Variants in CDHR1 observed in about 807,000 individuals in gnomAD.
CDHR1 encodes the protein cadherin related family member 1.
In CDHR1, 61 loss-of-function variants were observed where a neutral mutation model predicts 72.1. The observed-to-expected ratio is 0.85, with a 90% confidence interval of 0.69 to 1.05. CDHR1 has a LOEUF of 1.05. Ranked by LOEUF, CDHR1 falls within the 50% of genes least tolerant of loss-of-function variation. CDHR1 has a pLI of 0.00. For synonymous variants in CDHR1, 470 were observed against 448.1 expected, an observed-to-expected ratio of 1.05 and a Z score of -0.62; for missense variants, 1,186 against 1,115.7, an observed-to-expected ratio of 1.06 and a Z score of -0.90.
chr10:84,195,685 G>C lies in CDHR1; in HGVS notation c.151+96G>C, dbSNP rs999558480. On this transcript the variant is annotated intron_variant, in intron 2 of 16. Transcript: ENST00000623527. ...CCCCAGGCACCACCCAAGTTGCTGC[G>C]CGCGCCCGGGGGCTCCTTGTTTGCT... 5 of 1,009,126 alleles carry C rather than the reference G, an allele frequency of 5.0e-6. No homozygotes were observed. In the Admixed American group the frequency reaches 9.8e-5, roughly 20 times the overall value. 62.5% of individuals were successfully genotyped at this position (1,009,126 alleles called of 1,614,324 possible).
rs1478847921 is a variant in CDHR1, at chr10:84,214,209, C to T, written c.2168C>T (p.Thr723Ile). The change falls in exon 17 of 17, where the codon ACC (threonine) becomes ATC (isoleucine). Residue 723 changes from threonine (T) to isoleucine (I), a missense_variant. Physicochemically the swap from Thr to Ile is moderately conservative, Grantham distance 89 (BLOSUM62 -1). Coordinates refer to ENST00000623527, the MANE Select transcript of CDHR1 (RefSeq NM_033100.4). ...ATCACTGTCCTCATCTCCACCGCCA[C>T]CTTCTGGCGCAACAAGAAGTCTAAC... Reference protein sequence around the residue: ...VAITVLISTATFWRNKKSNKV... With the variant: ...VAITVLISTAIFWRNKKSNKV... 6 of 1,614,190 alleles carry T rather than the reference C, an allele frequency of 3.7e-6. No individual in the cohort carries two copies. The highest frequency in any genetic ancestry group is 5.1e-6 in the Non-Finnish European group (6 of 1,180,044).
chr10:84,217,269 G>A lies in CDHR1; in HGVS notation c.*2648G>A. ...ACCATGGTAGGCCTCCAGGGAAAGA[G>A]CTGGGAGGCAGGAATGGCACACTGG... On this transcript the variant is annotated 3_prime_UTR_variant, in exon 17 of 17. Coordinates refer to ENST00000623527, the MANE Select transcript of CDHR1 (RefSeq NM_033100.4). The A allele has an allele frequency of 1.0e-6, 1 of 985,552 alleles. No homozygotes were observed. The highest frequency in any genetic ancestry group is 1.2e-6 in the Non-Finnish European group (1 of 829,994). 61.1% of individuals were successfully genotyped at this position (985,552 alleles called of 1,614,324 possible). A position where few individuals can be genotyped will look rare whatever the true frequency, so the allele number is the denominator to read the frequency against.
In CDHR1 at chr10:84,212,276, G is replaced by C. The variant is rs751760668; in HGVS notation, c.1651G>C (p.Glu551Gln). ...CAGGTACAACTTCTATGTGAAGGCA[G>C]AGGACATGGAAGGCAAGTACAGCGT... is the stretch of plus-strand genomic sequence containing the variant. ...TARYNFYVKA[E>Q]DMEGKYSVAE... The change falls in exon 15 of 17, where the codon GAG becomes CAG. Residue 551 changes from glutamate to glutamine, a missense_variant. Physicochemically the swap from Glu to Gln is conservative, Grantham distance 29. Transcript: ENST00000623527. 8.1e-6 allele frequency: 13 copies of C among 1,614,138 alleles called. No homozygotes were observed. Among genetic ancestry groups the C allele is most frequent in the African/African-American group, 4.0e-5 (3 of 74,938 alleles).
Position 84,214,625 on chromosome 10 carries a change from A to G in CDHR1, c.*4A>G, listed in dbSNP as rs3814212. Reference sequence around the variant, plus strand: ...GCACAACAAGGCTTACTTCTAGTGTATGCCCTATGACCCCCCATCTTTCCT... The same window carrying G: ...GCACAACAAGGCTTACTTCTAGTGTGTGCCCTATGACCCCCCATCTTTCCT... On this transcript the variant is annotated 3_prime_UTR_variant, in exon 17 of 17. Transcript: ENST00000623527. The G allele has an allele frequency of 0.59, 941,396 of 1,599,184 alleles. 282,673 individuals carry two copies. The highest frequency in any genetic ancestry group is 0.88 in the African/African-American group (66,070 of 74,954).
rs115932980 is a variant in CDHR1, at chr10:84,217,581, T to C, written c.*2960T>C. ...GCAGAGAGGATGAAAAGATCTAATA[T>C]ATGTAAAGTGCCTAGCACCGGCTTT... On this transcript the variant is annotated 3_prime_UTR_variant, in exon 17 of 17. Transcript: ENST00000623527. The C allele has an allele frequency of 1.6e-4, 153 of 985,188 alleles. No homozygotes were observed. The African/African-American group carries it at 2.3e-3, about 15-fold the overall frequency. 61.0% of individuals were successfully genotyped at this position (985,188 alleles called of 1,614,324 possible).
intron 12 of CDHR1, among the ~76,000 whole-genome samples, chr10:84,210,239 T>A (rs142248446): frequency 0.032 from 4,882 of 151,886 alleles, 141 homozygotes; most frequent in East Asian, 0.13. Context: ...TTTGTTTTTG[T>A]TTTTGTTTTT....
In CDHR1 at chr10:84,216,722, C is replaced by T. The variant is rs2132842467; in HGVS notation, c.*2101C>T. 1.0e-6 allele frequency: 1 copy of T among 985,486 alleles called. No individual in the cohort carries two copies. Among genetic ancestry groups the T allele is most frequent in the Non-Finnish European group, 1.2e-6 (1 of 829,954 alleles). The allele number at this position is 985,486 out of a possible 1,614,324, so 61.0% of individuals were successfully genotyped here. ...CATGCAGATATCTTGAACAGCAGGA[C>T]ATTTGCAGGCCTTGTCTACTGGACT... is the stretch of plus-strand genomic sequence containing the variant. On this transcript the variant is annotated 3_prime_UTR_variant, in exon 17 of 17. Transcript: ENST00000623527.
rs761637451 is a variant in CDHR1 at position 84,199,034 on chromosome 10, G to A, written c.351G>A (p.Val117=). 3.9e-6 allele frequency: 6 copies of A among 1,551,568 alleles called. No individual in the cohort carries two copies. The South Asian group carries it at 7.1e-5, about 18-fold the overall frequency. Residue 117 remains valine, a splice_region_variant and synonymous_variant, in exon 5 of 17, where the codon GTG becomes GTA. Coordinates refer to ENST00000623527, the MANE Select transcript of CDHR1 (RefSeq NM_033100.4). The part of the protein sequence containing the change: ...IISISDGLNL[V]AEKVVILVTD... ...TTGACCCCTCTGCCCCTTCTCAGGTGGCCGAAAAAGTCGTGATCCTGGTGA... is the reference window on the plus strand; with the variant it reads ...TTGACCCCTCTGCCCCTTCTCAGGTAGCCGAAAAAGTCGTGATCCTGGTGA...
rs879406273 is a variant in CDHR1, at chr10:84,194,611, C to T, written c.-150C>T. On this transcript the variant is annotated 5_prime_UTR_variant, in exon 1 of 17. Coordinates refer to ENST00000623527, the MANE Select transcript of CDHR1 (RefSeq NM_033100.4). ...ATCCTCTTAGCGCCCTCACGCCACC[C>T]GCCGCTCCCGCCCCGTGCCCCCTCC... is the stretch of plus-strand genomic sequence containing the variant. 1.9e-6 allele frequency: 1 copy of T among 533,792 alleles called. No individual in the cohort carries two copies. Among genetic ancestry groups the T allele is most frequent in the South Asian group, 3.2e-5 (1 of 30,980 alleles). The allele number at this position is 533,792 out of a possible 1,614,324, so 33.1% of individuals were successfully genotyped here.
chr10:84,212,555 C>T (rs1397807321), intron 15 of CDHR1, 148 bp downstream of exon 15: 1 of 682,318 alleles, frequency 1.5e-6, no homozygotes, highest in Non-Finnish European at 2.6e-6. Context: ...TATCCCCATC[C>T]CCACCTCAAC....
chr10:84,211,296 C>G (rs1408290224), intron 13 of CDHR1, 131 bp downstream of exon 13: 1 of 877,788 alleles, frequency 1.1e-6, no homozygotes, highest in African/African-American at 1.7e-5. Flanking sequence ...GCTACTTGCC[C>G]TCTCTTAGCC....
At chr10:84,219,184 T>C, downstream of CDHR1, 1 of 1,550,776 alleles carries the variant, frequency 6.4e-7, no homozygotes, top group Non-Finnish European at 8.7e-7. Context: ...CCAGGGTCTG[T>C]TCTTGCATCC....
rs1346483847 is a variant in CDHR1, at chr10:84,216,325, C to G, written c.*1704C>G. The G allele has an allele frequency of 4.1e-6, 4 of 985,332 alleles. No homozygotes were observed. In the African/African-American group the frequency reaches 7.0e-5, roughly 17 times the overall value. 61.0% of individuals were successfully genotyped at this position (985,332 alleles called of 1,614,324 possible). A position where few individuals can be genotyped will look rare whatever the true frequency, so the allele number is the denominator to read the frequency against. ...ATCCTTGCTGGGGTTTCTACAGTCC[C>G]CAACGTGAACAGTATTAAGCAAGAG... is the stretch of plus-strand genomic sequence containing the variant. On this transcript the variant is annotated 3_prime_UTR_variant, in exon 17 of 17. Coordinates refer to ENST00000623527, the MANE Select transcript of CDHR1 (RefSeq NM_033100.4).
intron 5 of CDHR1, among the ~76,000 whole-genome samples, chr10:84,200,170 C>CAAA (rs10583938): frequency 7.4e-6 from 1 of 134,374 alleles, no homozygotes; most frequent in East Asian, 2.4e-4. Flanking sequence ...AGCTCCATCT[C>CAAA]AAAAAAAAAA....
intron 16 of CDHR1, among the ~76,000 whole-genome samples, chr10:84,213,761 T>A (rs1284977659): frequency 2.6e-5 from 4 of 152,074 alleles, no homozygotes; most frequent in Non-Finnish European, 2.9e-5. Flanking sequence ...TCTCCTACCA[T>A]CTCAAGGACA....
At chr10:84,200,453 A>C in intron 5 of CDHR1, 148 bp from the exon 6 acceptor site, 2 of 680,306 alleles carry the variant, frequency 2.9e-6, no homozygotes, top group South Asian at 1.6e-5. Flanking sequence ...CCCAGCCCCC[A>C]CTGGGTGCTC....
Position 84,212,266 on chromosome 10 carries a change from T to C in CDHR1, c.1641T>C (p.Tyr547=), listed in dbSNP as rs761604821. The change falls in exon 15 of 17, where the codon TAT becomes TAC. Residue 547 remains tyrosine, a synonymous_variant. Coordinates refer to ENST00000623527, the MANE Select transcript of CDHR1 (RefSeq NM_033100.4). ...AGGCCACTGCCAGGTACAACTTCTA[T>C]GTGAAGGCAGAGGACATGGAAGGCA... is the stretch of plus-strand genomic sequence containing the variant. The part of the protein sequence containing the change: ...DAEATARYNF[Y]VKAEDMEGKY... The C allele has an allele frequency of 6.2e-7, 1 of 1,614,222 alleles. No homozygotes were observed. Among genetic ancestry groups the C allele is most frequent in the Admixed American group, 1.7e-5 (1 of 60,034 alleles).
intron 3 of CDHR1, among the ~76,000 whole-genome samples, chr10:84,197,511 G>A (rs1324582784): frequency 6.6e-6 from 1 of 152,202 alleles, no homozygotes; most frequent in Non-Finnish European, 1.5e-5. Context: ...TGGCAGGAGA[G>A]TATTTTCTGT....
chr10:84,212,902 G>A (rs1842361060), intron 15 of CDHR1, 189 bp from the exon 16 acceptor site: 3 of 698,368 alleles, frequency 4.3e-6, no homozygotes, highest in Non-Finnish European at 2.5e-6. Context: ...TAGCCCATGT[G>A]TAAGACCTAC....
Sources: gnomAD v4.1 joint callset for allele counts (sites outside exome capture counted in the v4.1 genomes callset) on GRCh38, gnomAD v4.1.1 for gene constraint, MANE v1.5 for transcripts, NCBI Gene and HGNC (gene_info 2026-07-23, HGNC 2026-07-21) for gene names.